Variants in GYS2 observed in about 807,000 individuals in gnomAD.
The protein encoded by GYS2 is glycogen synthase 2.
GYS2 carries 80 observed loss-of-function variants against 85.6 expected under a neutral mutation model. The observed-to-expected ratio is 0.93, with a 90% CI of 0.78 to 1.13. The LOEUF is 1.13. Among genes scored for constraint, GYS2 ranks in the 50% most tolerant of loss-of-function variants. GYS2 has a pLI of 0.00. For missense variants in GYS2, 881 were observed against 854.9 expected, an observed-to-expected ratio of 1.03 and a Z score of -0.38; for synonymous variants, 328 against 300.7, an observed-to-expected ratio of 1.09 and a Z score of -0.94.
At position 21,568,939 on chromosome 12, in the gene GYS2, T is replaced by C. The variant is rs1176697145; in HGVS notation, c.749A>G (p.His250Arg). Reference sequence around the variant, plus strand: ...AACCGTGGTGAACACGTGAGCGCAATGAACGGAAGCTCGCTCCATGCAGTA... The same window carrying C: ...AACCGTGGTGAACACGTGAGCGCAACGAACGGAAGCTCGCTCCATGCAGTA... Reference protein sequence around the residue: ...HRYCMERASVHCAHVFTTVSE... With the variant: ...HRYCMERASVRCAHVFTTVSE... Residue 250 changes from histidine to arginine, a missense_variant, in exon 5 of 16, where the codon CAT (histidine) becomes CGT (arginine). Physicochemically the swap from His to Arg is conservative, Grantham distance 29. Transcript: ENST00000261195. 3 of 1,613,344 alleles carry C rather than the reference T, an allele frequency of 1.9e-6. No homozygotes were observed. Among genetic ancestry groups the C allele is most frequent in the African/African-American group, 2.7e-5 (2 of 74,926 alleles).
At chr12:21,556,526 C>A (rs1484264665) in intron 11 of GYS2, among the ~76,000 whole-genome samples, 1 of 152,186 alleles carries the variant, frequency 6.6e-6, no homozygotes, top group Admixed American at 6.5e-5. Flanking sequence ...CACTGCTGCC[C>A]ATGCACCAAT....
At position 21,573,915 on chromosome 12, in the gene GYS2, T is replaced by G. The variant is rs560491628; in HGVS notation, c.678+229A>C. ...TCCCTCTGGAACTATTGTTCCAAAG[T>G]GGGACAGAAATCAGGCCTCTCACCT... On this transcript the variant is annotated intron_variant, in intron 4 of 15. Transcript: ENST00000261195. Among the ~76,000 whole-genome samples, 10 of 152,326 alleles carry G rather than the reference T, an allele frequency of 6.6e-5. No homozygotes were observed. The East Asian group carries it at 1.9e-3, about 29-fold the overall frequency.
chr12:21,585,640 G>T (rs938984402), intron 1 of GYS2, among the ~76,000 whole-genome samples: 1 of 151,600 alleles, frequency 6.6e-6, no homozygotes, highest in Non-Finnish European at 1.5e-5. Context: ...AGCAGAAGAA[G>T]GTAGTCATCA....
chr12:21,549,896 A>G (rs2136857199), intron 11 of GYS2, among the ~76,000 whole-genome samples: 1 of 152,302 alleles, frequency 6.6e-6, no homozygotes, highest in South Asian at 2.1e-4. Flanking sequence ...ATTAACAAGT[A>G]TTGAGGCAGT....
chr12:21,551,997 A>G (rs143895770), intron 11 of GYS2, among the ~76,000 whole-genome samples: 178 of 152,320 alleles, frequency 1.2e-3, no homozygotes, highest in African/African-American at 4.2e-3. Flanking sequence ...TGACAGCATA[A>G]CTAAAATAAG....
chr12:21,566,085 C>T (rs947064839), intron 5 of GYS2, among the ~76,000 whole-genome samples: 1 of 152,064 alleles, frequency 6.6e-6, no homozygotes, highest in Non-Finnish European at 1.5e-5. Flanking sequence ...AAAATATCAC[C>T]TTTTCAACAT....
At chr12:21,589,644 TC>T (rs1266365584) in intron 1 of GYS2, among the ~76,000 whole-genome samples, 7 of 152,054 alleles carry the variant, frequency 4.6e-5, no homozygotes, top group Non-Finnish European at 7.4e-5. Context: ...CCAGAGAGGC[TC>T]CCCAGTGCAT....
intron 11 of GYS2, among the ~76,000 whole-genome samples, chr12:21,557,139 C>T (rs145411701): frequency 7.9e-5 from 12 of 152,254 alleles, no homozygotes; most frequent in African/African-American, 2.9e-4. Context: ...TCAATTAGGT[C>T]ATCTGCTAAA....
Position 21,536,808 on chromosome 12 carries a change from C to T in GYS2, c.*146G>A. On this transcript the variant is annotated 3_prime_UTR_variant, in exon 16 of 16. Transcript: ENST00000261195. ...TATCCTAAATTACAAAATTGTCATT[C>T]ACTCAATTTCTTCCACTTTTTAGGC... is the stretch of plus-strand genomic sequence containing the variant. 1 of 653,470 alleles carries T rather than the reference C, an allele frequency of 1.5e-6. No homozygotes were observed. The highest frequency in any genetic ancestry group is 2.7e-6 in the Non-Finnish European group (1 of 371,036). 40.5% of individuals were successfully genotyped at this position (653,470 alleles called of 1,614,324 possible).
chr12:21,566,428 C>A (rs1944321528), intron 5 of GYS2, among the ~76,000 whole-genome samples: 1 of 151,762 alleles, frequency 6.6e-6, no homozygotes, highest in Non-Finnish European at 1.5e-5. Context: ...CCTTCTTGAG[C>A]CACAAAATGT....
At chr12:21,563,820 T>A (rs1944285670) in intron 5 of GYS2, among the ~76,000 whole-genome samples, 3 of 152,266 alleles carry the variant, frequency 2.0e-5, no homozygotes, top group African/African-American at 7.2e-5. Flanking sequence ...CGAAGCAGAA[T>A]CCATGCAGTC....
rs1223473762 is a variant in GYS2 at position 21,536,886 on chromosome 12, T to C, written c.*68A>G. 9.1e-7 allele frequency: 1 copy of C among 1,103,150 alleles called. No homozygotes were observed. Among genetic ancestry groups the C allele is most frequent in the Non-Finnish European group, 1.4e-6 (1 of 722,866 alleles). The allele number at this position is 1,103,150 out of a possible 1,614,324, so 68.3% of individuals were successfully genotyped here. ...GAAGGAGAAAATGAAATTTGTGGCA[T>C]TTTTATTTTAAATAATTAGTCTTAC... On this transcript the variant is annotated 3_prime_UTR_variant, in exon 16 of 16. Transcript: ENST00000261195.
In GYS2 at chr12:21,537,186, C is replaced by G; in HGVS notation, c.1891-11G>C. On this transcript the variant is annotated splice_polypyrimidine_tract_variant and intron_variant, in intron 15 of 15. Transcript: ENST00000261195. ...TTTAAATCCTTCTGTCTGCCAAAGACAAAAATAAGACATAAACATCACAAC... is the reference window on the plus strand; with the variant it reads ...TTTAAATCCTTCTGTCTGCCAAAGAGAAAAATAAGACATAAACATCACAAC... The G allele has an allele frequency of 6.3e-7, 1 of 1,589,366 alleles. No individual in the cohort carries two copies. The highest frequency in any genetic ancestry group is 8.6e-7 in the Non-Finnish European group (1 of 1,157,812).
chr12:21,574,916 C>A (rs1944428320), intron 3 of GYS2, among the ~76,000 whole-genome samples: 1 of 151,324 alleles, frequency 6.6e-6, no homozygotes, highest in African/African-American at 2.4e-5. Context: ...AAAAAAAATG[C>A]ATATGAAGAA....
At chr12:21,595,487 G>A (rs1025108114) in intron 1 of GYS2, among the ~76,000 whole-genome samples, 2 of 152,238 alleles carry the variant, frequency 1.3e-5, no homozygotes, top group Non-Finnish European at 2.9e-5. Flanking sequence ...TACAGGTGTA[G>A]AGGAAGCAGT....
Position 21,558,293 on chromosome 12 carries a change from C to G in GYS2, c.1329G>C (p.Val443=). The change falls in exon 11 of 16, where the codon GTG becomes GTC. Residue 443 remains valine, a synonymous_variant. Transcript: ENST00000261195. ...AGTCATCAATCATGTTGTGCGTGGT[C>G]ACTGGGGGCAATGACTGTCGCTGAA... ...FSTQRQSLPP[V]TTHNMIDDST... The G allele has an allele frequency of 6.2e-7, 1 of 1,612,346 alleles. No homozygotes were observed. The highest frequency in any genetic ancestry group is 1.7e-4 in the Middle Eastern group (1 of 6,056).
chr12:21,539,176 T>C, intron 15 of GYS2, 82 bp downstream of exon 15: 2 of 808,118 alleles, frequency 2.5e-6, no homozygotes, highest in South Asian at 1.4e-5. Flanking sequence ...CTTGTGTGCA[T>C]AGCTACTTCC....
chr12:21,582,249 G>A (rs910835315), intron 1 of GYS2, among the ~76,000 whole-genome samples: 4 of 152,158 alleles, frequency 2.6e-5, no homozygotes, highest in African/African-American at 9.7e-5. Context: ...GTCTGTGAGG[G>A]TGTTACCAAA....
intron 7 of GYS2, among the ~76,000 whole-genome samples, chr12:21,562,088 A>G (rs983393492): frequency 5.3e-5 from 8 of 152,098 alleles, no homozygotes; most frequent in Non-Finnish European, 8.8e-5. Context: ...ATCTTTTTTT[A>G]TAGTTGCTTT....
Sources: allele counts gnomAD v4.1 joint callset (sites outside exome capture counted in the v4.1 genomes callset), GRCh38; gene constraint gnomAD v4.1.1; transcripts MANE v1.5; gene names NCBI Gene and HGNC (gene_info 2026-07-23, HGNC 2026-07-21).